HMG20B: variants seen among roughly 807,000 people sequenced by gnomAD.
HMG20B encodes high mobility group 20B, also known as SWI/SNF-related matrix-associated actin-dependent regulator of chromatin subfamily E member 1-related.
HMG20B carries 24 observed loss-of-function variants against 41.6 expected under a neutral mutation model. The observed-to-expected ratio is 0.58, with a 90% confidence interval of 0.42 to 0.81. The LOEUF is 0.81. Among genes scored for constraint, HMG20B ranks in the 30% least tolerant of loss-of-function variants. The pLI, the probability that HMG20B is intolerant of heterozygous loss-of-function variation, is 0.00. For synonymous variants in HMG20B, 251 were observed against 186.6 expected (o/e 1.34, Z -2.81); for missense variants, 461 against 444.0 (o/e 1.04, Z -0.34).
rs1331307067 is a variant in HMG20B at position 3,574,624 on chromosome 19, C to T, written c.351+38C>T. The stretch of plus-strand genomic sequence containing the variant: ...GGGCGCCGAGCAGGGCTGGCGGGGT[C>T]CACGGACTACCCCCCAGTAGCCCCG... On this transcript the variant is annotated intron_variant, in intron 4 of 9. Transcript: ENST00000333651. The T allele has an allele frequency of 4.6e-6, 7 of 1,525,468 alleles. No homozygotes were observed. In the South Asian group the frequency reaches 7.2e-5, roughly 16 times the overall value. The allele number at this position is 1,525,468 out of a possible 1,614,324, so 94.5% of individuals were successfully genotyped here. A position where few individuals can be genotyped will look rare whatever the true frequency, so the allele number is the denominator to read the frequency against.
intron 7 of HMG20B, 127 bp downstream of exon 7, chr19:3,576,752 G>A: frequency 8.0e-7 from 1 of 1,254,274 alleles, no homozygotes; most frequent in Non-Finnish European, 1.1e-6. Flanking sequence ...CCAGGCGCAC[G>A]CTGTCGCTCC....
intron 4 of HMG20B, 34 bp downstream of exon 4, chr19:3,574,620 G>A (rs1354357975): frequency 6.5e-7 from 1 of 1,542,194 alleles, no homozygotes; most frequent in Non-Finnish European, 8.7e-7. Flanking sequence ...AGGGCTGGCG[G>A]GGTCCACGGA....
intron 8 of HMG20B, among the ~76,000 whole-genome samples, 176 bp downstream of exon 8, chr19:3,577,283 T>G (rs1599857016): frequency 1.1e-5 from 1 of 89,800 alleles, no homozygotes; most frequent in South Asian, 4.3e-4. Context: ...CAGCTCCGCC[T>G]CCTCCCCGAC....
rs2145260338 is a variant in HMG20B, at chr19:3,578,580, A to C, written c.*59A>C. 1 of 1,549,674 alleles carries C rather than the reference A, an allele frequency of 6.5e-7. No homozygotes were observed. The highest frequency in any genetic ancestry group is 8.7e-7 in the Non-Finnish European group (1 of 1,146,146). ...TGTGGGCGCGGCCCTGCCACACCCC[A>C]CCCCGTGGACGAGAGGCTGGGGGTC... On this transcript the variant is annotated 3_prime_UTR_variant, in exon 10 of 10. Coordinates refer to ENST00000333651, the MANE Select transcript of HMG20B (RefSeq NM_006339.3).
Position 3,574,493 on chromosome 19 carries a change from G to T in HMG20B, c.258G>T (p.Glu86Asp), listed in dbSNP as rs778486128. 2 of 1,607,418 alleles carry T rather than the reference G, an allele frequency of 1.2e-6. No individual in the cohort carries two copies. The highest frequency in any genetic ancestry group is 1.7e-6 in the Non-Finnish European group (2 of 1,177,970). Reference protein sequence around the residue: ...GYVRFLNERREQIRTRHPDLP... With the variant: ...GYVRFLNERRDQIRTRHPDLP... ...TGCGCTTCCTGAACGAGCGGCGCGA[G>T]CAGATCCGCACGCGCCACCCGGATC... The change falls in exon 4 of 10, where the codon GAG (glutamate) becomes GAT (aspartate). Residue 86 changes from glutamate (E) to aspartate (D), a missense_variant. Glu to Asp is a conservative substitution (Grantham distance 45). This residue lies in a region of HMG20B where 49 missense variants were observed against 84.1 expected (regional missense o/e 0.58). Coordinates refer to ENST00000333651, the MANE Select transcript of HMG20B (RefSeq NM_006339.3).
chr19:3,577,928 C>T (rs902146580), intron 8 of HMG20B, 53 bp from the exon 9 acceptor site: 4 of 1,503,462 alleles, frequency 2.7e-6, no homozygotes, highest in East Asian at 4.9e-5. Flanking sequence ...CCCTGGAGCC[C>T]CCGCCCCGCG....
Position 3,574,516 on chromosome 19 carries a change from A to C in HMG20B, c.281A>C (p.Asp94Ala). 2 of 1,606,210 alleles carry C rather than the reference A, an allele frequency of 1.2e-6. No homozygotes were observed. The highest frequency in any genetic ancestry group is 1.7e-6 in the Non-Finnish European group (2 of 1,177,492). Residue 94 changes from aspartate (D) to alanine (A), a missense_variant, in exon 4 of 10, where the codon GAT (aspartate) becomes GCT (alanine). Coordinates refer to ENST00000333651, the MANE Select transcript of HMG20B (RefSeq NM_006339.3). ...GAGCAGATCCGCACGCGCCACCCGG[A>C]TCTGCCCTTTCCCGAGATCACCAAG... ...RREQIRTRHPDLPFPEITKML... is the reference protein window; with the variant it reads ...RREQIRTRHPALPFPEITKML...
Position 3,578,659 on chromosome 19 carries a change from A to C in HMG20B, c.*138A>C, listed in dbSNP as rs2032227289. 1 of 1,154,482 alleles carries C rather than the reference A, an allele frequency of 8.7e-7. No individual in the cohort carries two copies. Among genetic ancestry groups the C allele is most frequent in the African/African-American group, 1.5e-5 (1 of 65,730 alleles). The allele number at this position is 1,154,482 out of a possible 1,614,324, so 71.5% of individuals were successfully genotyped here. On this transcript the variant is annotated 3_prime_UTR_variant, in exon 10 of 10. Coordinates refer to ENST00000333651, the MANE Select transcript of HMG20B (RefSeq NM_006339.3). ...ACCTTGGGGGCTCCAGCCCCCCTAA[A>C]ATTAAATTTCTGCAGCATCCCTTTA...
chr19:3,574,032 C>T (rs1035047677), intron 3 of HMG20B: 1 of 670,998 alleles, frequency 1.5e-6, no homozygotes, highest in Non-Finnish European at 2.7e-6. Context: ...AGGTCCCGCC[C>T]ACTTCCACTC....
chr19:3,577,763 G>A (rs2032203203), intron 8 of HMG20B, among the ~76,000 whole-genome samples: 1 of 143,234 alleles, frequency 7.0e-6, no homozygotes, highest in Admixed American at 7.1e-5. Context: ...GACCCTGGAC[G>A]CCCGCCGCTC....
Position 3,576,258 on chromosome 19 carries a change from C to T in HMG20B, c.473-3C>T. On this transcript the variant is annotated splice_region_variant and splice_polypyrimidine_tract_variant and intron_variant, in intron 5 of 9. Transcript: ENST00000333651. ...TGACCCTGCCCTTCCCCTCCCCCGC[C>T]AGAAGACTCGAGCTCTGGGCTCATG... is the stretch of plus-strand genomic sequence containing the variant. 1 of 1,613,850 alleles carries T rather than the reference C, an allele frequency of 6.2e-7. No homozygotes were observed. The highest frequency in any genetic ancestry group is 8.5e-7 in the Non-Finnish European group (1 of 1,179,860).
chr19:3,573,895 GC>G, intron 3 of HMG20B, 95 bp downstream of exon 3: 1 of 1,143,286 alleles, frequency 8.7e-7, no homozygotes, highest in Middle Eastern at 1.9e-4. Context: ...TTGTGGCTCC[GC>G]CCACAGCCCA....
At position 3,578,676 on chromosome 19, in the gene HMG20B, A is replaced by C; in HGVS notation, c.*155A>C. On this transcript the variant is annotated 3_prime_UTR_variant, in exon 10 of 10. Coordinates refer to ENST00000333651, the MANE Select transcript of HMG20B (RefSeq NM_006339.3). ...CCCCCTAAAATTAAATTTCTGCAGC[A>C]TCCCTTTAGCTTTCAATCTCCCCAG... 1 of 990,452 alleles carries C rather than the reference A, an allele frequency of 1.0e-6. No individual in the cohort carries two copies. The highest frequency in any genetic ancestry group is 1.6e-6 in the Non-Finnish European group (1 of 640,064). 61.4% of individuals were successfully genotyped at this position (990,452 alleles called of 1,614,324 possible).
intron 8 of HMG20B, 88 bp downstream of exon 8, chr19:3,577,195 T>G: frequency 1.1e-6 from 1 of 876,226 alleles, no homozygotes; most frequent in Non-Finnish European, 1.5e-6. Flanking sequence ...CCTTCCCCTG[T>G]CGCCCGGCGC....
chr19:3,573,861 C>T, intron 3 of HMG20B, 61 bp downstream of exon 3: 1 of 1,427,564 alleles, frequency 7.0e-7, no homozygotes, highest in Non-Finnish European at 9.7e-7. Flanking sequence ...CTCGAAGCCC[C>T]GCCCCAGGCT....
In HMG20B at chr19:3,578,538, C is replaced by T. The variant is rs1410926483; in HGVS notation, c.*17C>T. Reference sequence around the variant, plus strand: ...CACCTGTGAGGAGTGGGCGGGCCCACGATGCAGAGGAGAAGCTGTGGGCGC... The same window carrying T: ...CACCTGTGAGGAGTGGGCGGGCCCATGATGCAGAGGAGAAGCTGTGGGCGC... On this transcript the variant is annotated 3_prime_UTR_variant, in exon 10 of 10. Transcript: ENST00000333651. The T allele has an allele frequency of 1.3e-5, 20 of 1,568,772 alleles. No individual in the cohort carries two copies. The highest frequency in any genetic ancestry group is 1.7e-5 in the Non-Finnish European group (20 of 1,158,200).
At chr19:3,573,892 T>C (rs1234592291) in intron 3 of HMG20B, 92 bp downstream of exon 3, 1 of 1,178,046 alleles carries the variant, frequency 8.5e-7, no homozygotes, top group East Asian at 2.5e-5. Context: ...TGCTTGTGGC[T>C]CCGCCCACAG....
intron 2 of HMG20B, 142 bp from the exon 3 acceptor site, chr19:3,573,550 A>G (rs2032087471): frequency 5.5e-6 from 5 of 904,946 alleles, no homozygotes; most frequent in Non-Finnish European, 7.9e-6. Flanking sequence ...TTCCCCGGAT[A>G]CTGACCCCAT....
Position 3,575,647 on chromosome 19 carries a change from G to A in HMG20B, c.459G>A (p.Lys153=). 1.9e-6 allele frequency: 3 copies of A among 1,550,916 alleles called. No homozygotes were observed. Among genetic ancestry groups the A allele is most frequent in the Admixed American group, 2.0e-5 (1 of 50,982 alleles). The change falls in exon 5 of 10, where the codon AAG becomes AAA. Residue 153 remains lysine, a synonymous_variant. Coordinates refer to ENST00000333651, the MANE Select transcript of HMG20B (RefSeq NM_006339.3). Reference sequence around the variant, plus strand: ...TGTGCACGGAGAAGATCCAGGAGAAGAAGATCAAGAAAGGTGGGAGGGGTC... The same window carrying A: ...TGTGCACGGAGAAGATCCAGGAGAAAAAGATCAAGAAAGGTGGGAGGGGTC... ...YKMCTEKIQE[K]KIKKEDSSSG... is the part of the protein sequence containing the mutation.
Sources: allele counts gnomAD v4.1 joint callset (sites outside exome capture counted in the v4.1 genomes callset), GRCh38; gene constraint gnomAD v4.1.1; regional missense constraint gnomAD v4.1.1; transcripts MANE v1.5; gene names NCBI Gene and HGNC (gene_info 2026-07-23, HGNC 2026-07-21).